The following ASAP2 variants were observed in gnomAD, a reference collection of about 807,000 sequenced individuals.
The protein encoded by ASAP2 is arf-GAP with SH3 domain, ANK repeat and PH domain-containing protein 2.
ASAP2 carries 45 observed loss-of-function variants against 131.4 expected under a neutral mutation model. That is an observed-to-expected ratio of 0.34 (90% CI 0.27 to 0.44). The LOEUF (loss-of-function observed/expected upper bound fraction) is 0.44, where lower values mean the gene tolerates loss of function less well. Among genes scored for constraint, ASAP2 ranks in the 20% least tolerant of loss-of-function variants. The pLI is 1.00. For missense variants in ASAP2, 1,011 were observed against 1,297.0 expected (o/e 0.78, Z 3.39); for synonymous variants, 510 against 503.0 (o/e 1.01, Z -0.19).
intron 6 of ASAP2, 28 bp from the exon 7 acceptor site, chr2:9,327,798 A>G (rs574459954): frequency 4.5e-6 from 7 of 1,541,682 alleles, no homozygotes; most frequent in South Asian, 2.4e-5. Context: ...GCTTACTTCC[A>G]TGACATTTCC....
chr2:9,397,926 T>C (rs913664654), intron 24 of ASAP2, among the ~76,000 whole-genome samples: 73 of 150,518 alleles, frequency 4.8e-4, no homozygotes, highest in African/African-American at 1.7e-3. Context: ...GCCCGGCTAA[T>C]TTTTTGTATT....
intron 2 of ASAP2, among the ~76,000 whole-genome samples, chr2:9,280,000 G>A (rs1283404691): frequency 1.3e-5 from 2 of 152,108 alleles, no homozygotes; most frequent in African/African-American, 2.4e-5. Context: ...TTTTTTAAAA[G>A]TCGTTAAGTG....
intron 14 of ASAP2, among the ~76,000 whole-genome samples, chr2:9,357,109 A>G (rs937417996): frequency 1.6e-4 from 24 of 151,734 alleles, no homozygotes; most frequent in Admixed American, 3.3e-4. Context: ...CCAAAATAAG[A>G]GTGGACAGTT....
intron 2 of ASAP2, among the ~76,000 whole-genome samples, chr2:9,295,870 T>TC (rs1342984526): frequency 6.6e-6 from 1 of 152,156 alleles, no homozygotes; most frequent in Non-Finnish European, 1.5e-5. Context: ...ACATGGTGCT[T>TC]CCCCCATAGG....
At position 9,317,114 on chromosome 2, in the gene ASAP2, G is replaced by A. The variant is rs1328021033; in HGVS notation, c.346-1410G>A. 1.7e-3 allele frequency among the ~76,000 whole-genome samples: 67 copies of A among 40,154 alleles called. 1 individual carries two copies. Among genetic ancestry groups the A allele is most frequent in the Admixed American group, 1.9e-3 (8 of 4,270 alleles). The allele number at this position is 40,154 out of a possible 152,430, so 26.3% of individuals were successfully genotyped here. On this transcript the variant is annotated intron_variant, in intron 3 of 27. Transcript: ENST00000281419. Reference sequence around the variant, plus strand: ...ACACTCAACCACACTCATACCCCACGCAATCACAACCACACAACACACATC... The same window carrying A: ...ACACTCAACCACACTCATACCCCACACAATCACAACCACACAACACACATC...
chr2:9,369,469 G>A (rs933270090), intron 16 of ASAP2, among the ~76,000 whole-genome samples: 4 of 152,272 alleles, frequency 2.6e-5, no homozygotes, highest in South Asian at 2.1e-4. Context: ...TGTCCGGCTC[G>A]CCTTAGACTT....
chr2:9,390,732 G>A (rs1181712309), intron 22 of ASAP2, among the ~76,000 whole-genome samples: 2 of 152,230 alleles, frequency 1.3e-5, no homozygotes, highest in Admixed American at 1.3e-4. Context: ...AGCTCCAAGT[G>A]CAGTGTTCGC....
intron 27 of ASAP2, among the ~76,000 whole-genome samples, chr2:9,402,749 C>G (rs946838076): frequency 4.6e-5 from 7 of 152,210 alleles, no homozygotes; most frequent in African/African-American, 1.7e-4. Context: ...ATCATTTACA[C>G]TCTTGAGATC....
intron 3 of ASAP2, among the ~76,000 whole-genome samples, chr2:9,307,405 C>G (rs1268967409): frequency 6.6e-6 from 1 of 152,224 alleles, no homozygotes; most frequent in Non-Finnish European, 1.5e-5. Context: ...CTTCCTAAAC[C>G]TGGATTCTTG....
intron 6 of ASAP2, 113 bp downstream of exon 6, chr2:9,323,363 C>A: frequency 6.9e-7 from 1 of 1,451,922 alleles, no homozygotes; most frequent in South Asian, 1.3e-5. Flanking sequence ...ACATGCATTG[C>A]TGGACTCCCT....
rs543873551 is a variant in ASAP2 at position 9,209,626 on chromosome 2, A to G, written c.126+2396A>G. 2.0e-3 allele frequency among the ~76,000 whole-genome samples: 302 copies of G among 152,324 alleles called. 2 individuals carry two copies. Among genetic ancestry groups the G allele is most frequent in the South Asian group, 6.4e-3 (31 of 4,818 alleles). ...CTCTTGTTGCCCAGGCTGGAGTGCA[A>G]TGGCACAATCTTGGCTCACTGCATC... On this transcript the variant is annotated intron_variant, in intron 1 of 27. Transcript: ENST00000281419.
intron 1 of ASAP2, among the ~76,000 whole-genome samples, chr2:9,234,986 C>T (rs1214816406): frequency 1.3e-5 from 2 of 152,226 alleles, no homozygotes; most frequent in East Asian, 3.9e-4. Flanking sequence ...ATGGAGTTGA[C>T]TCCTAATGAT....
rs990652466 is a variant in ASAP2 at position 9,404,996 on chromosome 2, CTTA to C, written c.*1671_*1673del. On this transcript the variant is annotated 3_prime_UTR_variant, in exon 28 of 28. Transcript: ENST00000281419. Reference sequence around the variant, plus strand: ...AAACAGATGTATTTTGCACAGTGCACTTATGTCTATTTTAACAATCCTCCTGCA... The same window carrying C: ...AAACAGATGTATTTTGCACAGTGCACTGTCTATTTTAACAATCCTCCTGCA... 1.3e-5 allele frequency: 2 copies of C among 152,392 alleles called. No individual in the cohort carries two copies. Among genetic ancestry groups the C allele is most frequent in the Non-Finnish European group, 2.9e-5 (2 of 68,010 alleles). The allele number at this position is 152,392 out of a possible 1,614,324, so 9.4% of individuals were successfully genotyped here.
chr2:9,254,353 C>CT (rs777033631), intron 1 of ASAP2, among the ~76,000 whole-genome samples: 20,834 of 103,872 alleles, frequency 0.2, 2,631 homozygotes, highest in Non-Finnish European at 0.24. Flanking sequence ...ATAAACTAAA[C>CT]TTTTTTTTTT....
chr2:9,282,478 T>C (rs1322408518), intron 2 of ASAP2, among the ~76,000 whole-genome samples: 1 of 152,190 alleles, frequency 6.6e-6, no homozygotes, highest in Non-Finnish European at 1.5e-5. Flanking sequence ...AGTAGAGAAG[T>C]CTAAGGATAG....
Position 9,404,231 on chromosome 2 carries a change from C to T in ASAP2, c.*904C>T, listed in dbSNP as rs1156715955. The T allele has an allele frequency of 6.6e-6, 1 of 152,238 alleles. No homozygotes were observed. The highest frequency in any genetic ancestry group is 2.4e-5 in the African/African-American group (1 of 41,460). 9.4% of individuals were successfully genotyped at this position (152,238 alleles called of 1,614,324 possible). A position where few individuals can be genotyped will look rare whatever the true frequency, so the allele number is the denominator to read the frequency against. Reference sequence around the variant, plus strand: ...TTCCTACTGAGTGTACCACTGCCTTCCCTTCTAGCCCAGGAGAATGTTTAC... The same window carrying T: ...TTCCTACTGAGTGTACCACTGCCTTTCCTTCTAGCCCAGGAGAATGTTTAC... On this transcript the variant is annotated 3_prime_UTR_variant, in exon 28 of 28. Coordinates refer to ENST00000281419, the MANE Select transcript of ASAP2 (RefSeq NM_003887.3).
At chr2:9,216,113 G>A (rs372456769) in intron 1 of ASAP2, among the ~76,000 whole-genome samples, 1 of 152,148 alleles carries the variant, frequency 6.6e-6, no homozygotes, top group African/African-American at 2.4e-5. Flanking sequence ...TGCAGGGCAA[G>A]TTCCATTGTG....
chr2:9,234,003 C>T (rs540495840), intron 1 of ASAP2, among the ~76,000 whole-genome samples: 3 of 150,404 alleles, frequency 2.0e-5, no homozygotes, highest in East Asian at 2.0e-4. Flanking sequence ...CCCAGCTACT[C>T]GGGAGGCTGA....
chr2:9,236,496 ATAAAAT>A (rs1321844743), intron 1 of ASAP2, among the ~76,000 whole-genome samples: 22 of 152,216 alleles, frequency 1.4e-4, no homozygotes, highest in Admixed American at 1.4e-3. Context: ...ATGAAGATTA[ATAAAAT>A]TAAAATTGTC....
Sources: allele counts gnomAD v4.1 joint callset (sites outside exome capture counted in the v4.1 genomes callset), GRCh38; gene constraint gnomAD v4.1.1; transcripts MANE v1.5; gene names NCBI Gene and HGNC (gene_info 2026-07-23, HGNC 2026-07-21).